The following PWWP2A variants were observed in gnomAD, a reference collection of about 807,000 sequenced individuals.
PWWP2A encodes PWWP domain-containing protein 2A.
A neutral mutation model predicts 48.5 loss-of-function variants in PWWP2A; 18 were observed. The ratio of observed to expected loss-of-function variants is 0.37; its 90% CI spans 0.26 to 0.55. PWWP2A has a LOEUF of 0.55. PWWP2A is among the 20% of genes least tolerant of loss of function. The pLI is 0.81. For synonymous variants in PWWP2A, 396 were observed against 387.7 expected, an observed-to-expected ratio of 1.02 and a Z score of -0.25; for missense variants, 867 against 976.4, an observed-to-expected ratio of 0.89 and a Z score of 1.49.
chr5:160,105,593 A>C, intron 1 of PWWP2A: 24 of 525,366 alleles, frequency 4.6e-5, no homozygotes, highest in Non-Finnish European at 5.4e-5. Flanking sequence ...AAAGAAAGCA[A>C]GCATGCCAGA....
chr5:160,112,264 G>A (rs1335124029), intron 1 of PWWP2A, among the ~76,000 whole-genome samples: 2 of 151,842 alleles, frequency 1.3e-5, no homozygotes, highest in Admixed American at 6.6e-5. Flanking sequence ...TCTGTCATCC[G>A]GGCTAGAGTG....
At chr5:160,089,374 T>C, downstream of PWWP2A, 1 of 355,022 alleles carries the variant, frequency 2.8e-6, no homozygotes, top group Non-Finnish European at 5.1e-6. Context: ...AGCTAAGTTT[T>C]TATTTTTCTG....
At chr5:160,108,956 G>A (rs1236540497) in intron 1 of PWWP2A, among the ~76,000 whole-genome samples, 3 of 152,032 alleles carry the variant, frequency 2.0e-5, no homozygotes, top group Non-Finnish European at 2.9e-5. Context: ...GGGATTACAG[G>A]CAAGAGACAC....
Position 160,091,926 on chromosome 5 carries a change from GCAAT to G in PWWP2A, c.*452_*455del. 1.0e-6 allele frequency: 1 copy of G among 982,194 alleles called. No homozygotes were observed. The allele number at this position is 982,194 out of a possible 1,614,324, so 60.8% of individuals were successfully genotyped here. On this transcript the variant is annotated 3_prime_UTR_variant, in exon 2 of 2. Transcript: ENST00000307063. The stretch of plus-strand genomic sequence containing the variant: ...AAGCCCTTATTGCAATCCCAAATAT[GCAAT>G]CTGTGTCACACAGTGACAGGCTGTA...
At chr5:160,071,469 TTTACCAC>T (rs2113443271), downstream of PWWP2A, among the ~76,000 whole-genome samples, 1 of 152,214 alleles carries the variant, frequency 6.6e-6, no homozygotes, top group African/African-American at 2.4e-5. Context: ...TGCAAATCCT[TTTACCAC>T]CAGTTCTGCA....
At chr5:160,097,565 A>G (rs1368946983) in intron 1 of PWWP2A, among the ~76,000 whole-genome samples, 2 of 151,412 alleles carry the variant, frequency 1.3e-5, no homozygotes, top group African/African-American at 4.8e-5. Context: ...GGGAGGTGAA[A>G]GTCGCAGTGA....
intron 1 of PWWP2A, among the ~76,000 whole-genome samples, chr5:160,103,627 G>A (rs575175032): frequency 7.9e-5 from 12 of 152,186 alleles, no homozygotes; most frequent in Middle Eastern, 3.4e-3. Context: ...AGCAGATTAA[G>A]TGAAGAGCAA....
chr5:160,106,678 A>C (rs1756927097), intron 1 of PWWP2A, among the ~76,000 whole-genome samples: 1 of 152,290 alleles, frequency 6.6e-6, no homozygotes, highest in East Asian at 1.9e-4. Flanking sequence ...TGGACTGCTT[A>C]AACTTATAGA....
At chr5:160,090,991 A>G (rs780343439), downstream of PWWP2A, 14 of 985,374 alleles carry the variant, frequency 1.4e-5, no homozygotes, top group Non-Finnish European at 1.7e-5. Context: ...TGAGGCAGAA[A>G]ACCAAACAGA....
chr5:160,059,518 A>G (rs113135729), downstream of PWWP2A, among the ~76,000 whole-genome samples: 2 of 152,382 alleles, frequency 1.3e-5, no homozygotes, highest in African/African-American at 4.8e-5. Flanking sequence ...TGTTCATTGA[A>G]GTAGCACTTT....
chr5:160,091,642 A>G lies in PWWP2A; in HGVS notation c.*740T>C, dbSNP rs1032040020. 2 of 984,896 alleles carry G rather than the reference A, an allele frequency of 2.0e-6. No individual in the cohort carries two copies. Among genetic ancestry groups the G allele is most frequent in the African/African-American group, 3.5e-5 (2 of 57,154 alleles). The allele number at this position is 984,896 out of a possible 1,614,324, so 61.0% of individuals were successfully genotyped here. On this transcript the variant is annotated 3_prime_UTR_variant, in exon 2 of 2. Coordinates refer to ENST00000307063, the MANE Select transcript of PWWP2A (RefSeq NM_001130864.2). ...TACAAATCCAAAATCAAACCTATCT[A>G]AACTCCCAAACCAGAAGCTTGAAAG...
At chr5:160,115,682 G>A (rs969779729) in intron 1 of PWWP2A, among the ~76,000 whole-genome samples, 1 of 151,202 alleles carries the variant, frequency 6.6e-6, no homozygotes, top group African/African-American at 2.4e-5. Context: ...GACAGAGTGA[G>A]ACTCCATCTC....
Position 160,092,040 on chromosome 5 carries a change from G to GTA in PWWP2A, c.*340_*341dup, listed in dbSNP as rs1481682082. Reference sequence around the variant, plus strand: ...TATATATATATACACACACACACACGTATATATATGTATATATACAGTATT... The same window carrying GTA: ...TATATATATATACACACACACACACGTATATATATATGTATATATACAGTATT... On this transcript the variant is annotated 3_prime_UTR_variant, in exon 2 of 2. Coordinates refer to ENST00000307063, the MANE Select transcript of PWWP2A (RefSeq NM_001130864.2). 4 of 380,774 alleles carry GTA rather than the reference G, an allele frequency of 1.1e-5. No homozygotes were observed. The African/African-American group carries it at 1.9e-4, about 18-fold the overall frequency. The allele number at this position is 380,774 out of a possible 1,614,324, so 23.6% of individuals were successfully genotyped here.
At chr5:160,052,635 T>C in the PWWP2A span, among the ~76,000 whole-genome samples, 1 of 149,886 alleles carries the variant, frequency 6.7e-6, no homozygotes, top group Non-Finnish European at 1.5e-5. Flanking sequence ...ATGGCCATAG[T>C]GGATCTGGAA....
In PWWP2A at chr5:160,092,400, C is replaced by T; in HGVS notation, c.2250G>A (p.Leu750=). 6.5e-7 allele frequency: 1 copy of T among 1,545,226 alleles called. No individual in the cohort carries two copies. Among genetic ancestry groups the T allele is most frequent in the Non-Finnish European group, 8.7e-7 (1 of 1,144,932 alleles). ...KQLTPEVRAL[L]TQFET ...CCCATGTTCACGTTTCAAACTGTGT[C>T]AACAAAGCCCGCACTTCGGGGGTCA... The change falls in exon 2 of 2, where the codon TTG becomes TTA. Residue 750 remains leucine, a synonymous_variant. Transcript: ENST00000307063.
chr5:160,054,149 G>A, the PWWP2A span, among the ~76,000 whole-genome samples: 2 of 152,168 alleles, frequency 1.3e-5, no homozygotes, highest in Non-Finnish European at 2.9e-5. Context: ...ACCAAGGAAT[G>A]TAAGGTTTAA....
In PWWP2A at chr5:160,092,547, T is replaced by C. The variant is rs769995200; in HGVS notation, c.2103A>G (p.Thr701=). Residue 701 remains threonine (T), a synonymous_variant, in exon 2 of 2, where the codon ACA becomes ACG. Coordinates refer to ENST00000307063, the MANE Select transcript of PWWP2A (RefSeq NM_001130864.2). ...AGAGTTGTGAAAGAGCAAGGAAAGA[T>C]GTTGTTGGAGACCCAAACCATGAAA... ...ARISWFGSPT[T]SFLALSQLSP... is the part of the protein sequence containing the mutation. The C allele has an allele frequency of 1.9e-6, 3 of 1,551,646 alleles. No individual in the cohort carries two copies. Among genetic ancestry groups the C allele is most frequent in the Non-Finnish European group, 2.6e-6 (3 of 1,146,986 alleles).
chr5:160,109,822 AATATAT>A (rs201400491), intron 1 of PWWP2A, among the ~76,000 whole-genome samples: 19 of 114,140 alleles, frequency 1.7e-4, no homozygotes, highest in African/African-American at 3.5e-4. Flanking sequence ...ATAATATAAT[AATATAT>A]ATATATATAT....
the PWWP2A span, among the ~76,000 whole-genome samples, chr5:160,052,076 A>G: frequency 6.6e-6 from 1 of 152,218 alleles, no homozygotes; most frequent in African/African-American, 2.4e-5. Context: ...AACCTAGACT[A>G]TCCAGAGACT....
Sources: gnomAD v4.1 joint callset for allele counts (sites outside exome capture counted in the v4.1 genomes callset) on GRCh38, gnomAD v4.1.1 for gene constraint, MANE v1.5 for transcripts, NCBI Gene and HGNC (gene_info 2026-07-23, HGNC 2026-07-21) for gene names.